Variants in PCDHGA5 observed in about 807,000 individuals in gnomAD.
The protein encoded by PCDHGA5 is protocadherin gamma-A5.
PCDHGA5 carries 36 observed loss-of-function variants against 56.7 expected under a neutral mutation model. That is an observed-to-expected ratio of 0.64 (90% CI 0.49 to 0.84). The LOEUF (loss-of-function observed/expected upper bound fraction) is 0.84, where lower values mean the gene tolerates loss of function less well. Ranked by LOEUF, PCDHGA5 falls within the 40% of genes least tolerant of loss-of-function variation. The pLI is 0.00. For synonymous variants in PCDHGA5, 563 were observed against 520.2 expected (o/e 1.08, Z -1.12); for missense variants, 1,305 against 1,201.5 (o/e 1.09, Z -1.27).
At chr5:141,372,970 T>C (rs866196404) in intron 1 of PCDHGA5, 1 of 680,560 alleles carries the variant, frequency 1.5e-6, no homozygotes, top group East Asian at 2.8e-5. Flanking sequence ...GAATTTCCTG[T>C]AGAATATCTG....
intron 1 of PCDHGA5, chr5:141,439,998 G>A (rs2098143949): frequency 6.5e-6 from 1 of 153,152 alleles, no homozygotes; most frequent in Non-Finnish European, 1.5e-5. Context: ...TTGGTGGTGG[G>A]AAACCTTGCC....
At chr5:141,410,961 C>T (rs2095452770) in intron 1 of PCDHGA5, 1 of 178,096 alleles carries the variant, frequency 5.6e-6, no homozygotes, top group African/African-American at 2.5e-5. Flanking sequence ...TCAAGCGATT[C>T]TCCTGCCTCA....
chr5:141,365,384 C>G lies in PCDHGA5; in HGVS notation c.1054C>G (p.Leu352Val). The change falls in exon 1 of 4, where the codon CTG (leucine) becomes GTG (valine). Residue 352 changes from leucine (L) to valine (V), a missense_variant. Leu to Val is a conservative substitution (Grantham distance 32). Transcript: ENST00000518069. Reference protein sequence around the residue: ...DNAPEVILTSLTSSISEDCLP... With the variant: ...DNAPEVILTSVTSSISEDCLP... ...TGCCCCCGAAGTGATCCTCACCTCTCTGACCAGTTCGATCTCTGAAGACTG... is the reference window on the plus strand; with the variant it reads ...TGCCCCCGAAGTGATCCTCACCTCTGTGACCAGTTCGATCTCTGAAGACTG... 6.2e-7 allele frequency: 1 copy of G among 1,614,020 alleles called. No individual in the cohort carries two copies. The highest frequency in any genetic ancestry group is 8.5e-7 in the Non-Finnish European group (1 of 1,179,894).
chr5:141,375,703 G>C (rs776426026), intron 1 of PCDHGA5: 6 of 1,614,144 alleles, frequency 3.7e-6, no homozygotes, highest in Non-Finnish European at 5.1e-6. Context: ...GCGGGGACCC[G>C]CCTCTTAGCA....
rs143362044 is a variant in PCDHGA5, at chr5:141,511,092, C to T, written c.2715C>T (p.Asn905=). The T allele has an allele frequency of 4.5e-5, 73 of 1,614,088 alleles. No homozygotes were observed. Among genetic ancestry groups the T allele is most frequent in the Admixed American group, 1.5e-4 (9 of 60,012 alleles). ...YIPGSNATLT[N]AAGKRDGKAP... is the part of the protein sequence containing the mutation. ...CAGGCAGCAATGCCACACTGACCAA[C>T]GCAGCTGGCAAGCGGGATGGCAAGG... The change falls in exon 4 of 4, where the codon AAC becomes AAT. Residue 905 remains asparagine, a synonymous_variant. Coordinates refer to ENST00000518069, the MANE Select transcript of PCDHGA5 (RefSeq NM_018918.3).
At position 141,490,982 on chromosome 5, in the gene PCDHGA5, G is replaced by T; in HGVS notation, c.2422-3825G>T. ...CACTCAGCCCCCCAGCGTCTCCCTC[G>T]CTCTGCTCCTCCTGGCTCCTTGGTC... On this transcript the variant is annotated intron_variant, in intron 1 of 3. Coordinates refer to ENST00000518069, the MANE Select transcript of PCDHGA5 (RefSeq NM_018918.3). This position sits in a 1 kb window ranked among gnomAD's most constrained non-coding sequence, Gnocchi z 5.4. 1.2e-6 allele frequency: 2 copies of T among 1,613,994 alleles called. No individual in the cohort carries two copies. The highest frequency in any genetic ancestry group is 1.7e-6 in the Non-Finnish European group (2 of 1,180,002).
At chr5:141,409,059 A>G (rs2095217608) in intron 1 of PCDHGA5, 2 of 1,614,050 alleles carry the variant, frequency 1.2e-6, no homozygotes, top group Non-Finnish European at 1.7e-6. Context: ...AGCACTGCCC[A>G]GAGCACAAAA....
chr5:141,510,814 CT>C, intron 3 of PCDHGA5, 132 bp from the exon 4 acceptor site: 1 of 1,544,688 alleles, frequency 6.5e-7, no homozygotes, highest in Non-Finnish European at 8.8e-7. Context: ...TTGGTGACCC[CT>C]ATATTCCCAG....
chr5:141,384,771 C>T (rs568102289), intron 1 of PCDHGA5: 36 of 1,613,878 alleles, frequency 2.2e-5, no homozygotes, highest in Admixed American at 1.7e-4. Context: ...TGTACACGGG[C>T]GAGGTGCGCA....
At position 141,511,181 on chromosome 5, in the gene PCDHGA5, G is replaced by A. The variant is rs1301391138; in HGVS notation, c.*8G>A. On this transcript the variant is annotated 3_prime_UTR_variant, in exon 4 of 4. Transcript: ENST00000518069. Reference sequence around the variant, plus strand: ...AAGAAGGAGAAGAAGTAACATGGAGGCCAGGCCAAGAGCCACAGGGCGGCC... The same window carrying A: ...AAGAAGGAGAAGAAGTAACATGGAGACCAGGCCAAGAGCCACAGGGCGGCC... 6.2e-7 allele frequency: 1 copy of A among 1,614,016 alleles called. No homozygotes were observed. The highest frequency in any genetic ancestry group is 1.7e-5 in the Admixed American group (1 of 60,016).
chr5:141,485,625 G>A lies in PCDHGA5; in HGVS notation c.2422-9182G>A, dbSNP rs1458191111. On this transcript the variant is annotated intron_variant, in intron 1 of 3. Coordinates refer to ENST00000518069, the MANE Select transcript of PCDHGA5 (RefSeq NM_018918.3). This position sits in a 1 kb window ranked among gnomAD's most constrained non-coding sequence, Gnocchi z 5.7. ...GGGGAGGCAGCTCCTCCAGGACAGC[G>A]TTTCCCGTTGGAAAAGGCTCAGGAT... is the stretch of plus-strand genomic sequence containing the variant. The A allele has an allele frequency of 1.2e-6, 2 of 1,611,968 alleles. No homozygotes were observed. The highest frequency in any genetic ancestry group is 3.3e-5 in the Admixed American group (2 of 59,916).
chr5:141,420,458 C>A, intron 1 of PCDHGA5: 3 of 925,194 alleles, frequency 3.2e-6, no homozygotes, highest in Non-Finnish European at 2.9e-6. Context: ...TCCTACTATT[C>A]AAAGACATTT....
chr5:141,434,092 A>C (rs1333686339), intron 1 of PCDHGA5, among the ~76,000 whole-genome samples: 1 of 152,172 alleles, frequency 6.6e-6, no homozygotes, highest in Non-Finnish European at 1.5e-5. Context: ...TTTGATGCTG[A>C]AATTGTCCCA....
chr5:141,395,055 G>T, intron 1 of PCDHGA5: 1 of 1,614,178 alleles, frequency 6.2e-7, no homozygotes, highest in African/African-American at 1.3e-5. Context: ...GGAGGTACAG[G>T]CTTTCCTGCA....
Position 141,364,896 on chromosome 5 carries a change from A to G in PCDHGA5, c.566A>G (p.Gln189Arg), listed in dbSNP as rs1020955411. The G allele has an allele frequency of 9.3e-6, 15 of 1,613,896 alleles. No individual in the cohort carries two copies. In the African/African-American group the frequency reaches 1.7e-4, roughly 19 times the overall value. The stretch of plus-strand genomic sequence containing the variant: ...GATGTGGTAAGCGGAACTGATGGAC[A>G]AAAGTATCCGGAGCTGGTGTTGGAA... ...SLDVVSGTDGQKYPELVLEQP... is the reference protein window; with the variant it reads ...SLDVVSGTDGRKYPELVLEQP... The change falls in exon 1 of 4, where the codon CAA becomes CGA. Residue 189 changes from glutamine (Q) to arginine (R), a missense_variant. Coordinates refer to ENST00000518069, the MANE Select transcript of PCDHGA5 (RefSeq NM_018918.3).
intron 1 of PCDHGA5, chr5:141,399,794 C>T (rs2093888579): frequency 1.9e-6 from 3 of 1,613,268 alleles, no homozygotes; most frequent in Middle Eastern, 1.7e-4. Flanking sequence ...GACAACGCAC[C>T]GCGGGTGCTG....
rs1239203203 is a variant in PCDHGA5 at position 141,403,933 on chromosome 5, G to T, written c.2421+37182G>T. 1.7e-5 allele frequency: 27 copies of T among 1,613,792 alleles called. No homozygotes were observed. The highest frequency in any genetic ancestry group is 1.6e-4 in the African/African-American group (12 of 74,902). ...TACAAGCTGAAGATGGTGGGGGATT[G>T]AAAGGGTGGACAAAAGTGCTCATTT... On this transcript the variant is annotated intron_variant, in intron 1 of 3. Transcript: ENST00000518069.
rs375487349 is a variant in PCDHGA5, at chr5:141,383,260, G to T, written c.2421+16509G>T. On this transcript the variant is annotated intron_variant, in intron 1 of 3. Transcript: ENST00000518069. ...TAAAATGAATCTTTACCCTATAGAC[G>T]TGGAAATAATAGATATTAATGACAA... is the stretch of plus-strand genomic sequence containing the variant. 2 of 1,613,782 alleles carry T rather than the reference G, an allele frequency of 1.2e-6. No homozygotes were observed. The highest frequency in any genetic ancestry group is 1.7e-6 in the Non-Finnish European group (2 of 1,179,874).
At chr5:141,405,881 T>C (rs998587989) in intron 1 of PCDHGA5, among the ~76,000 whole-genome samples, 4 of 152,210 alleles carry the variant, frequency 2.6e-5, no homozygotes, top group Admixed American at 2.6e-4. Flanking sequence ...GGCCTAATTG[T>C]TGCTCCAACA....
Sources: allele counts gnomAD v4.1 joint callset (sites outside exome capture counted in the v4.1 genomes callset), GRCh38; gene constraint gnomAD v4.1.1; non-coding constraint Gnocchi (gnomAD v3.1); transcripts MANE v1.5; gene names NCBI Gene and HGNC (gene_info 2026-07-23, HGNC 2026-07-21).